The following PYGL variants were observed in gnomAD, a reference collection of about 807,000 sequenced individuals.
PYGL encodes glycogen phosphorylase, liver form.
PYGL carries 90 observed loss-of-function variants against 100.1 expected under a neutral mutation model. That is an observed-to-expected ratio of 0.90 (90% CI 0.76 to 1.07). The LOEUF (loss-of-function observed/expected upper bound fraction) is 1.07. Among genes scored for constraint, PYGL ranks in the 50% least tolerant of loss-of-function variants. PYGL has a pLI of 0.00. For synonymous variants in PYGL, 373 were observed against 393.0 expected (o/e 0.95, Z 0.60); for missense variants, 1,016 against 1,057.6 (o/e 0.96, Z 0.55).
intron 5 of PYGL, among the ~76,000 whole-genome samples, chr14:50,922,748 A>C (rs2050513467): frequency 6.6e-6 from 1 of 152,108 alleles, no homozygotes; most frequent in Non-Finnish European, 1.5e-5. Flanking sequence ...CTGTGGTCTG[A>C]GGCTCTCCCT....
At chr14:50,940,499 C>T (rs2050693896) in intron 1 of PYGL, among the ~76,000 whole-genome samples, 1 of 152,178 alleles carries the variant, frequency 6.6e-6, no homozygotes, top group South Asian at 2.1e-4. Context: ...GAAAATACTT[C>T]CTTGCATGAC....
At chr14:50,930,021 T>C (rs1297656483) in intron 4 of PYGL, among the ~76,000 whole-genome samples, 7 of 152,212 alleles carry the variant, frequency 4.6e-5, no homozygotes. Context: ...TTCCTTTATC[T>C]TTCTGGCCTT....
At chr14:50,906,670 T>C (rs967305126) in intron 19 of PYGL, among the ~76,000 whole-genome samples, 1 of 152,254 alleles carries the variant, frequency 6.6e-6, no homozygotes, top group Non-Finnish European at 1.5e-5. Context: ...TGCTGTTTTA[T>C]TGATCTGTCT....
intron 1 of PYGL, among the ~76,000 whole-genome samples, chr14:50,938,193 T>A (rs1163900355): frequency 6.6e-6 from 1 of 152,234 alleles, no homozygotes; most frequent in Non-Finnish European, 1.5e-5. Context: ...CTTAAGATAT[T>A]TAAAAATATT....
intron 6 of PYGL, 75 bp downstream of exon 6, chr14:50,920,881 C>T (rs2050493791): frequency 7.0e-7 from 1 of 1,426,098 alleles, no homozygotes; most frequent in South Asian, 1.2e-5. Context: ...TTGTTTCAAG[C>T]TCAATTTGGT....
chr14:50,914,916 CT>C, intron 11 of PYGL, 101 bp from the exon 12 acceptor site: 1 of 878,512 alleles, frequency 1.1e-6, no homozygotes, highest in Non-Finnish European at 1.9e-6. Flanking sequence ...CAAGTGCAGG[CT>C]TAGAAAGGTT....
chr14:50,909,988 C>G lies in PYGL; in HGVS notation c.2084G>C (p.Gly695Ala). ...TTCTTCTGCCATTTCCACATTGGCC[C>G]CATCCATGGTCCCGATAGTTAGGGC... ...NGALTIGTMD[G>A]ANVEMAEEAG... Residue 695 changes from glycine to alanine, a missense_variant, in exon 17 of 20, where the codon GGG (glycine) becomes GCG (alanine). Coordinates refer to ENST00000216392, the MANE Select transcript of PYGL (RefSeq NM_002863.5). 1 of 1,614,214 alleles carries G rather than the reference C, an allele frequency of 6.2e-7. No homozygotes were observed. Among genetic ancestry groups the G allele is most frequent in the Non-Finnish European group, 8.5e-7 (1 of 1,180,052 alleles).
At position 50,920,602 on chromosome 14, in the gene PYGL, T is replaced by C; in HGVS notation, c.794A>G (p.Gln265Arg). 1.2e-6 allele frequency: 2 copies of C among 1,612,276 alleles called. No individual in the cohort carries two copies. The highest frequency in any genetic ancestry group is 1.7e-6 in the Non-Finnish European group (2 of 1,178,312). ...LRDFNVGDYI[Q>R]AVLDRNLAEN... ...GGCCAGGTTTCGGTCCAGCACAGCC[T>C]GAATGTAGTCTCCAACATTAACTAG... The change falls in exon 7 of 20, where the codon CAG (glutamine) becomes CGG (arginine). Residue 265 changes from glutamine to arginine, a missense_variant. Gln to Arg is a conservative substitution (Grantham distance 43). Transcript: ENST00000216392.
chr14:50,908,972 G>A lies in PYGL; in HGVS notation c.2178-17C>T. 1.3e-6 allele frequency: 2 copies of A among 1,568,864 alleles called. No individual in the cohort carries two copies. The highest frequency in any genetic ancestry group is 1.7e-6 in the Non-Finnish European group (2 of 1,153,844). ...GCCTCGTACCTGTGGGGTAGGGGTG[G>A]GTGGGTGATAAAAAAAGGCTCTGTT... On this transcript the variant is annotated splice_polypyrimidine_tract_variant and intron_variant, in intron 17 of 19. Coordinates refer to ENST00000216392, the MANE Select transcript of PYGL (RefSeq NM_002863.5).
intron 19 of PYGL, 141 bp from the exon 20 acceptor site, chr14:50,905,697 TTGTC>T (rs1158859970): frequency 1.2e-6 from 1 of 865,988 alleles, no homozygotes; most frequent in Non-Finnish European, 1.9e-6. Context: ...ATATTCTTGT[TTGTC>T]TGTTGAGAGG....
chr14:50,939,332 G>A (rs527711120), intron 1 of PYGL, among the ~76,000 whole-genome samples: 26 of 152,086 alleles, frequency 1.7e-4, no homozygotes, highest in Non-Finnish European at 3.2e-4. Flanking sequence ...CCAAGCGCCC[G>A]GCCTACAATT....
Position 50,939,188 on chromosome 14 carries a change from C to G in PYGL, c.244-1351G>C, listed in dbSNP as rs1008518364. Among the ~76,000 whole-genome samples, 11 of 152,284 alleles carry G rather than the reference C, an allele frequency of 7.2e-5. No homozygotes were observed. In the East Asian group the frequency reaches 1.9e-3, roughly 27 times the overall value. Reference sequence around the variant, plus strand: ...AGTAGCTGAGACTACAGGCGCCTGCCACCATGCCCAGCTAATTTTTGTATT... The same window carrying G: ...AGTAGCTGAGACTACAGGCGCCTGCGACCATGCCCAGCTAATTTTTGTATT... On this transcript the variant is annotated intron_variant, in intron 1 of 19. Transcript: ENST00000216392.
intron 10 of PYGL, 37 bp downstream of exon 10, chr14:50,915,788 T>C (rs1348890503): frequency 6.2e-7 from 1 of 1,601,096 alleles, no homozygotes; most frequent in East Asian, 2.2e-5. Context: ...TAAGATCTTA[T>C]GCTCATGAAC....
intron 9 of PYGL, 42 bp from the exon 10 acceptor site, chr14:50,916,013 G>A (rs373891151): frequency 6.2e-7 from 1 of 1,611,936 alleles, no homozygotes; most frequent in East Asian, 2.2e-5. Flanking sequence ...CTGAAGGTGG[G>A]CACCCCACTG....
rs2050602951 is a variant in PYGL, at chr14:50,931,750, G to C, written c.451C>G (p.Leu151Val). The change falls in exon 4 of 20, where the codon CTG becomes GTG. Residue 151 changes from leucine (L) to valine (V), a missense_variant. Coordinates refer to ENST00000216392, the MANE Select transcript of PYGL (RefSeq NM_002863.5). ...AACFLDSMAT[L>V]GLAAYGYGIR... ...CCGTATCCATAGGCTGCAAGTCCCA[G>C]GGTTGCCATGGAATCCAAGAAGCAG... 1 of 1,613,766 alleles carries C rather than the reference G, an allele frequency of 6.2e-7. No homozygotes were observed. Among genetic ancestry groups the C allele is most frequent in the South Asian group, 1.1e-5 (1 of 91,080 alleles).
At position 50,910,014 on chromosome 14, in the gene PYGL, C is replaced by T. The variant is rs927452885; in HGVS notation, c.2058G>A (p.Gly686=). 6.2e-7 allele frequency: 1 copy of T among 1,614,206 alleles called. No homozygotes were observed. The highest frequency in any genetic ancestry group is 8.5e-7 in the Non-Finnish European group (1 of 1,180,024). Residue 686 remains glycine (G), a synonymous_variant, in exon 17 of 20, where the codon GGG becomes GGA. Coordinates refer to ENST00000216392, the MANE Select transcript of PYGL (RefSeq NM_002863.5). ...GTGNMKFMLN[G]ALTIGTMDGA... Reference sequence around the variant, plus strand: ...CATCCATGGTCCCGATAGTTAGGGCCCCATTTAGCATGAACTTCATATTGC... The same window carrying T: ...CATCCATGGTCCCGATAGTTAGGGCTCCATTTAGCATGAACTTCATATTGC...
intron 3 of PYGL, 85 bp downstream of exon 3, chr14:50,935,022 C>T (rs958432637): frequency 1.5e-5 from 19 of 1,301,828 alleles, no homozygotes; most frequent in Middle Eastern, 1.8e-4. Flanking sequence ...GGAAGCCTGC[C>T]TGGTTCTTGC....
intron 1 of PYGL, among the ~76,000 whole-genome samples, chr14:50,938,691 A>G (rs1422884331): frequency 6.6e-6 from 1 of 152,192 alleles, no homozygotes; most frequent in East Asian, 1.9e-4. Flanking sequence ...TTGGCAAAGC[A>G]CTATTTTTGG....
At chr14:50,928,955 T>G (rs2050579359) in intron 4 of PYGL, among the ~76,000 whole-genome samples, 1 of 152,368 alleles carries the variant, frequency 6.6e-6, no homozygotes, top group Middle Eastern at 3.4e-3. Flanking sequence ...AGTAAAATTA[T>G]ATACCCTTCT....
Sources: gnomAD v4.1 joint callset for allele counts (sites outside exome capture counted in the v4.1 genomes callset) on GRCh38, gnomAD v4.1.1 for gene constraint, MANE v1.5 for transcripts, NCBI Gene and HGNC (gene_info 2026-07-23, HGNC 2026-07-21) for gene names.